SMYD3: variants seen among roughly 807,000 people sequenced by gnomAD.
SMYD3 encodes the protein SET and MYND domain containing 3.
A neutral mutation model predicts 57.7 loss-of-function variants in SMYD3; 36 were observed. The observed-to-expected ratio is 0.62, with a 90% CI of 0.48 to 0.82. The LOEUF (loss-of-function observed/expected upper bound fraction) is 0.82, where lower values mean the gene tolerates loss of function less well. Among genes scored for constraint, SMYD3 ranks in the 40% least tolerant of loss-of-function variants. SMYD3 has a pLI of 0.00. For synonymous variants in SMYD3, 211 were observed against 195.0 expected (o/e 1.08, Z -0.68); for missense variants, 515 against 538.8 (o/e 0.96, Z 0.44).
intron 10 of SMYD3, among the ~76,000 whole-genome samples, chr1:245,801,792 A>G (rs1488477925): frequency 1.3e-5 from 2 of 152,174 alleles, no homozygotes; most frequent in Non-Finnish European, 2.9e-5. Context: ...TTGTATCAAT[A>G]AAAAAGGGAA....
At chr1:246,229,440 G>A (rs2063379502) in intron 5 of SMYD3, among the ~76,000 whole-genome samples, 1 of 152,120 alleles carries the variant, frequency 6.6e-6, no homozygotes, top group Non-Finnish European at 1.5e-5. Context: ...TAATCCTATT[G>A]AAATTTAAAT....
At chr1:245,751,230 G>C (rs1387256353) in intron 11 of SMYD3, among the ~76,000 whole-genome samples, 1 of 152,142 alleles carries the variant, frequency 6.6e-6, no homozygotes, top group Non-Finnish European at 1.5e-5. Flanking sequence ...TGCCTTTCTT[G>C]GATATTTAAG....
At chr1:245,847,334 G>T (rs10924358) in intron 10 of SMYD3, among the ~76,000 whole-genome samples, 20,662 of 152,184 alleles carry the variant, frequency 0.14, 1,840 homozygotes, top group Admixed American at 0.25. Context: ...TTAGTTTTAT[G>T]TTTGCATTGT....
intron 5 of SMYD3, among the ~76,000 whole-genome samples, chr1:246,253,282 T>G (rs1052707446): frequency 3.3e-5 from 5 of 152,182 alleles, no homozygotes; most frequent in Admixed American, 6.5e-5. Context: ...CCCTCCAACC[T>G]CGAGCAGTCC....
chr1:246,160,787 G>A (rs1310123353), intron 5 of SMYD3, among the ~76,000 whole-genome samples: 1 of 152,158 alleles, frequency 6.6e-6, no homozygotes, highest in Non-Finnish European at 1.5e-5. Flanking sequence ...GGATTCTGTG[G>A]GTGACTCCTG....
intron 1 of SMYD3, among the ~76,000 whole-genome samples, chr1:246,357,698 T>C (rs1264527079): frequency 1.3e-5 from 2 of 152,178 alleles, no homozygotes; most frequent in African/African-American, 4.8e-5. Flanking sequence ...CAGCCAAGAA[T>C]TTTGTATGCA....
At chr1:246,419,971 G>C (rs2067118353) in intron 1 of SMYD3, among the ~76,000 whole-genome samples, 1 of 152,232 alleles carries the variant, frequency 6.6e-6, no homozygotes, top group Non-Finnish European at 1.5e-5. Flanking sequence ...CGAGGCAGGG[G>C]GATCACGAGG....
intron 5 of SMYD3, among the ~76,000 whole-genome samples, chr1:246,287,168 A>G (rs1400873916): frequency 6.6e-6 from 1 of 152,210 alleles, no homozygotes; most frequent in African/African-American, 2.4e-5. Flanking sequence ...CACAGTGCCC[A>G]GCCTAAAATA....
chr1:246,427,392 C>T (rs1383377258), intron 1 of SMYD3, among the ~76,000 whole-genome samples: 3 of 150,362 alleles, frequency 2.0e-5, no homozygotes, highest in Non-Finnish European at 3.0e-5. Context: ...TAGTGGCGGG[C>T]GCCTGTAGTC....
intron 1 of SMYD3, among the ~76,000 whole-genome samples, chr1:246,363,460 C>T (rs1433553808): frequency 6.6e-6 from 1 of 152,040 alleles, no homozygotes; most frequent in Non-Finnish European, 1.5e-5. Context: ...ATGACAATGG[C>T]GGTTTTGTGG....
chr1:245,879,227 T>C (rs905682800), intron 8 of SMYD3, among the ~76,000 whole-genome samples: 1 of 152,182 alleles, frequency 6.6e-6, no homozygotes, highest in Non-Finnish European at 1.5e-5. Flanking sequence ...GAACAACATC[T>C]GAGCACACTG....
intron 1 of SMYD3, among the ~76,000 whole-genome samples, chr1:246,427,687 G>C (rs1417628017): frequency 6.6e-6 from 1 of 151,858 alleles, no homozygotes; most frequent in Non-Finnish European, 1.5e-5. Flanking sequence ...AACACAGGGA[G>C]ACTCCATCTC....
intron 1 of SMYD3, among the ~76,000 whole-genome samples, chr1:246,369,171 C>T (rs1336838828): frequency 6.6e-6 from 1 of 152,086 alleles, no homozygotes; most frequent in Non-Finnish European, 1.5e-5. Flanking sequence ...CAGAAGTGCT[C>T]GGTAACTATT....
rs535265177 is a variant in SMYD3 at position 246,305,657 on chromosome 1, A to T, written c.531+21544T>A. On this transcript the variant is annotated intron_variant, in intron 5 of 11. Transcript: ENST00000490107. Reference sequence around the variant, plus strand: ...TGGGCTTCCATAGTCATATTTAGAGAAACATTCTAACTAAAGTCAGACTTT... The same window carrying T: ...TGGGCTTCCATAGTCATATTTAGAGTAACATTCTAACTAAAGTCAGACTTT... Among the ~76,000 whole-genome samples the T allele has an allele frequency of 5.3e-5, 8 of 152,356 alleles. No homozygotes were observed. In the South Asian group the frequency reaches 1.4e-3, roughly 28 times the overall value.
At chr1:245,893,873 T>C (rs1181704748) in intron 8 of SMYD3, among the ~76,000 whole-genome samples, 1 of 152,190 alleles carries the variant, frequency 6.6e-6, no homozygotes, top group Non-Finnish European at 1.5e-5. Flanking sequence ...TTTAAAAAGA[T>C]AGGGAAGGTC....
chr1:245,953,708 C>T (rs913336072), intron 5 of SMYD3, among the ~76,000 whole-genome samples: 5 of 152,022 alleles, frequency 3.3e-5, no homozygotes, highest in Admixed American at 6.6e-5. Flanking sequence ...CATGAGCCAC[C>T]GTGCCTGGCC....
At chr1:245,938,991 C>T (rs1442141617) in intron 5 of SMYD3, among the ~76,000 whole-genome samples, 1 of 151,654 alleles carries the variant, frequency 6.6e-6, no homozygotes, top group Non-Finnish European at 1.5e-5. Context: ...ACTAAAAATA[C>T]AAAAATTAGC....
At chr1:245,817,794 T>C (rs1454602898) in intron 10 of SMYD3, among the ~76,000 whole-genome samples, 1 of 151,984 alleles carries the variant, frequency 6.6e-6, no homozygotes, top group Non-Finnish European at 1.5e-5. Context: ...AGAAAGGGTA[T>C]CAGTGATGGA....
chr1:245,896,532 CAG>C (rs913515647), intron 8 of SMYD3, among the ~76,000 whole-genome samples: 8 of 152,008 alleles, frequency 5.3e-5, no homozygotes, highest in Admixed American at 1.3e-4. Context: ...GGTGGTTAAA[CAG>C]GGAATACAAA....
Sources: gnomAD v4.1 joint callset for allele counts (sites outside exome capture counted in the v4.1 genomes callset) on GRCh38, gnomAD v4.1.1 for gene constraint, MANE v1.5 for transcripts, NCBI Gene and HGNC (gene_info 2026-07-23, HGNC 2026-07-21) for gene names.